The following PCDH15 variants were observed in gnomAD, a reference collection of about 807,000 sequenced individuals.
The protein encoded by PCDH15 is protocadherin-15.
In PCDH15, 129 loss-of-function variants were observed where a neutral mutation model predicts 178.5. That is an observed-to-expected ratio of 0.72 (90% CI 0.63 to 0.84). The LOEUF is 0.84. Ranked by LOEUF, PCDH15 falls within the 40% of genes least tolerant of loss-of-function variation. PCDH15 has a pLI of 0.00. For missense variants in PCDH15, 2,230 were observed against 2,099.9 expected, an observed-to-expected ratio of 1.06 and a Z score of -1.21; for synonymous variants, 800 against 732.0, an observed-to-expected ratio of 1.09 and a Z score of -1.50.
rs1333595432 is a variant in PCDH15 at position 54,023,029 on chromosome 10, G to A, written c.2389C>T (p.His797Tyr). Reference sequence around the variant, plus strand: ...AAGGTTAGAGTTGAATGACGAGGGTGTACTGCTCCATCTGTTGCCACAACA... The same window carrying A: ...AAGGTTAGAGTTGAATGACGAGGGTATACTGCTCCATCTGTTGCCACAACA... ...LVVVATDGAV[H>Y]PRHSTLTLAI... The change falls in exon 19 of 38, where the codon CAC becomes TAC. Residue 797 changes from histidine to tyrosine, a missense_variant. Transcript: ENST00000644397. The A allele has an allele frequency of 1.2e-6, 2 of 1,613,974 alleles. No individual in the cohort carries two copies. The highest frequency in any genetic ancestry group is 1.1e-5 in the South Asian group (1 of 91,074).
intron 12 of PCDH15, among the ~76,000 whole-genome samples, chr10:54,183,903 A>C (rs2048241736): frequency 6.6e-6 from 1 of 152,188 alleles, no homozygotes; most frequent in Non-Finnish European, 1.5e-5. Context: ...AGGGTTAACT[A>C]CAATTTAATC....
chr10:55,002,460 T>C (rs1376499626), intron 2 of PCDH15, among the ~76,000 whole-genome samples: 3 of 152,182 alleles, frequency 2.0e-5, no homozygotes, highest in Non-Finnish European at 4.4e-5. Flanking sequence ...TTCACTAGAG[T>C]GCTAGCAATT....
chr10:55,217,725 A>G (rs1229913861), intron 1 of PCDH15, among the ~76,000 whole-genome samples: 2 of 151,976 alleles, frequency 1.3e-5, no homozygotes. Context: ...TAAATGACAC[A>G]AAAGAAAAAA....
At chr10:54,429,666 C>T (rs9415326) in intron 3 of PCDH15, among the ~76,000 whole-genome samples, 3 of 151,886 alleles carry the variant, frequency 2.0e-5, no homozygotes, top group African/African-American at 7.3e-5. Context: ...TAAAAACCAA[C>T]GAAAGAGCAG....
intron 2 of PCDH15, among the ~76,000 whole-genome samples, chr10:55,348,521 G>A (rs970674228): frequency 1.7e-4 from 26 of 152,168 alleles, no homozygotes; most frequent in South Asian, 4.1e-4. Context: ...CACATATATG[G>A]AAGGGAAGTA....
chr10:54,185,157 C>T lies in PCDH15; in HGVS notation c.1417G>A (p.Glu473Lys), dbSNP rs779582879. ...ACCGAAAAGGTGTAAGTTTGCTGTT[C>T]TTCCCTGTCCACTGGTTGAAGTAAG... ...LTLLQPVDRE[E>K]QQTYTFSITA... is the part of the protein sequence containing the mutation. The change falls in exon 12 of 38, where the codon GAA becomes AAA. Residue 473 changes from glutamate (E) to lysine (K), a missense_variant. By Grantham distance (56) the Glu-to-Lys change is moderately conservative (BLOSUM62 1). Transcript: ENST00000644397. The T allele has an allele frequency of 1.9e-6, 3 of 1,613,566 alleles. No homozygotes were observed. Among genetic ancestry groups the T allele is most frequent in the Non-Finnish European group, 2.5e-6 (3 of 1,179,676 alleles).
chr10:55,173,652 A>G (rs907296898), intron 1 of PCDH15, among the ~76,000 whole-genome samples: 4 of 152,082 alleles, frequency 2.6e-5, no homozygotes, highest in African/African-American at 4.8e-5. Context: ...TATTAGAGAT[A>G]TTTATTGAGC....
intron 2 of PCDH15, among the ~76,000 whole-genome samples, chr10:54,964,794 C>G (rs1838741336): frequency 6.6e-6 from 1 of 152,120 alleles, no homozygotes; most frequent in South Asian, 2.1e-4. Context: ...GGCAATAAAG[C>G]TTTTAATTAC....
chr10:54,375,585 T>C (rs1948270988), intron 4 of PCDH15, among the ~76,000 whole-genome samples: 1 of 151,778 alleles, frequency 6.6e-6, no homozygotes, highest in Non-Finnish European at 1.5e-5. Context: ...CAGAATATTC[T>C]TAGAAAAGCA....
At chr10:55,546,878 T>C (rs74581798) in intron 2 of PCDH15, among the ~76,000 whole-genome samples, 4,295 of 151,632 alleles carry the variant, frequency 0.028, 263 homozygotes, top group East Asian at 0.23. Context: ...CAGGGAAAGA[T>C]GAAGGGGAAA....
intron 2 of PCDH15, among the ~76,000 whole-genome samples, chr10:54,614,219 GAGCCAACACT>G (rs1404995385): frequency 6.6e-6 from 1 of 151,844 alleles, no homozygotes; most frequent in Non-Finnish European, 1.5e-5. Context: ...TAAAAATGCT[GAGCCAACACT>G]AGCCTAGAGG....
chr10:54,599,923 G>A, intron 2 of PCDH15: 6 of 818,032 alleles, frequency 7.3e-6, no homozygotes, highest in Non-Finnish European at 1.2e-5. Context: ...TGAGGAAGTG[G>A]CCACTAAGGA....
In PCDH15 at chr10:55,220,988, A is replaced by G. The variant is rs1253617255; in HGVS notation, c.-155-54337T>C. Among the ~76,000 whole-genome samples the G allele has an allele frequency of 4.1e-4, 63 of 152,106 alleles. 1 individual carries two copies. Among genetic ancestry groups the G allele is most frequent in the Admixed American group, 4.1e-3 (63 of 15,288 alleles). ...GATGTTTGTAGCAATGGCCTCATTC[A>G]TAATAGTTAAAACCTGGAAACCACC... On this transcript the variant is annotated intron_variant, in intron 1 of 5. Transcript: ENST00000458638.
At chr10:54,722,391 C>T (rs186187891) in intron 1 of PCDH15, among the ~76,000 whole-genome samples, 2 of 151,730 alleles carry the variant, frequency 1.3e-5, no homozygotes, top group East Asian at 3.9e-4. Flanking sequence ...CATTATTCTT[C>T]TGGGAATTTC....
chr10:54,443,345 G>A (rs9416357), intron 3 of PCDH15, among the ~76,000 whole-genome samples: 2 of 151,208 alleles, frequency 1.3e-5, no homozygotes, highest in Non-Finnish European at 1.5e-5. Flanking sequence ...ACTCATCTTC[G>A]GAAGCCCCTG....
intron 2 of PCDH15, among the ~76,000 whole-genome samples, chr10:55,495,072 C>T (rs570457384): frequency 5.3e-4 from 80 of 151,768 alleles, no homozygotes; most frequent in African/African-American, 1.9e-3. Flanking sequence ...TGACATTGGA[C>T]CCCTATCAAA....
At position 54,332,239 on chromosome 10, in the gene PCDH15, A is replaced by AAT. The variant is rs1324774520; in HGVS notation, c.595-2535_595-2534dup. Among the ~76,000 whole-genome samples the AAT allele has an allele frequency of 2.3e-5, 3 of 128,242 alleles. No homozygotes were observed. In the East Asian group the frequency reaches 6.0e-4, roughly 26 times the overall value. The allele number at this position is 128,242 out of a possible 152,430, so 84.1% of individuals were successfully genotyped here. On this transcript the variant is annotated intron_variant, in intron 6 of 37. Transcript: ENST00000644397. ...TTAATTTAGTTTTTTACATATATATAATATATATATAATCTATATTATATA... is the reference window on the plus strand; with the variant it reads ...TTAATTTAGTTTTTTACATATATATAATATATATATATAATCTATATTATATA...
rs574748206 is a variant in PCDH15 at position 55,514,899 on chromosome 10, A to C, written c.-156+112726T>G. ...CTTTCTACTCTAGCTTAGGTGGACA[A>C]TAGGACTGACAGGCAGGAGAGCAGG... On this transcript the variant is annotated intron_variant, in intron 2 of 5. Transcript: ENST00000613346. Among the ~76,000 whole-genome samples the C allele has an allele frequency of 1.2e-3, 181 of 152,096 alleles. 1 individual carries two copies. The highest frequency in any genetic ancestry group is 3.4e-3 in the Admixed American group (52 of 15,242).
chr10:55,322,126 A>G (rs1319013487), upstream of PCDH15, among the ~76,000 whole-genome samples: 2 of 152,176 alleles, frequency 1.3e-5, no homozygotes, highest in African/African-American at 4.8e-5. Context: ...GGTATCCCCC[A>G]CACTGTTCTT....
Sources: allele counts gnomAD v4.1 joint callset (sites outside exome capture counted in the v4.1 genomes callset), GRCh38; gene constraint gnomAD v4.1.1; transcripts MANE v1.5; gene names NCBI Gene and HGNC (gene_info 2026-07-23, HGNC 2026-07-21).